PDE4B: variants seen among roughly 807,000 people sequenced by gnomAD.
The protein encoded by PDE4B is phosphodiesterase 4B, also known as 3',5'-cyclic-AMP phosphodiesterase 4B.
In PDE4B, 20 loss-of-function variants were observed where a neutral mutation model predicts 82.2. The ratio of observed to expected loss-of-function variants is 0.24; its 90% CI spans 0.17 to 0.35. The LOEUF is 0.35. Among genes scored for constraint, PDE4B ranks in the 10% least tolerant of loss-of-function variants. The pLI is 1.00. For synonymous variants in PDE4B, 320 were observed against 318.9 expected, an observed-to-expected ratio of 1.00 and a Z score of -0.04; for missense variants, 655 against 907.2, an observed-to-expected ratio of 0.72 and a Z score of 3.57.
At chr1:65,926,479 C>T (rs1569708557) in intron 3 of PDE4B, among the ~76,000 whole-genome samples, 1 of 152,160 alleles carries the variant, frequency 6.6e-6, no homozygotes, top group Non-Finnish European at 1.5e-5. Flanking sequence ...TAAGGGCCTA[C>T]TGGGACCTAT....
At chr1:65,914,454 A>ACTTCTTCTTCTT (rs57338201) in intron 2 of PDE4B, among the ~76,000 whole-genome samples, 1 of 145,354 alleles carries the variant, frequency 6.9e-6, no homozygotes, top group African/African-American at 2.5e-5. Context: ...GGCAGCATTT[A>ACTTCTTCTTCTT]CTTCTTCTTC....
At chr1:65,824,769 G>C (rs1645995393) in intron 1 of PDE4B, among the ~76,000 whole-genome samples, 1 of 152,100 alleles carries the variant, frequency 6.6e-6, no homozygotes, top group African/African-American at 2.4e-5. Context: ...CTTCTTGGTA[G>C]TTTCTTTGTG....
At position 65,957,207 on chromosome 1, in the gene PDE4B, T is replaced by A. The variant is rs958249109; in HGVS notation, c.281+38372T>A. Among the ~76,000 whole-genome samples, 3 of 152,086 alleles carry A rather than the reference T, an allele frequency of 2.0e-5. No individual in the cohort carries two copies. In the South Asian group the frequency reaches 6.2e-4, roughly 32 times the overall value. ...GATAACATTCTTCATTTTGATGTAG[T>A]TGAATTTCATCACCCTTTTATTTTA... On this transcript the variant is annotated intron_variant, in intron 3 of 16. Transcript: ENST00000341517.
At chr1:66,167,295 A>T (rs1255095786) in intron 3 of PDE4B, among the ~76,000 whole-genome samples, 2 of 152,212 alleles carry the variant, frequency 1.3e-5, no homozygotes, top group African/African-American at 4.8e-5. Flanking sequence ...AAAAAGTAGA[A>T]ACAACTCAAT....
intron 8 of PDE4B, among the ~76,000 whole-genome samples, chr1:66,343,894 T>C (rs1393900127): frequency 6.6e-6 from 1 of 152,132 alleles, no homozygotes; most frequent in African/African-American, 2.4e-5. Context: ...TTTAAAGTTA[T>C]GAAACATTTT....
chr1:66,219,721 A>G (rs138741278), intron 3 of PDE4B, among the ~76,000 whole-genome samples: 2 of 152,292 alleles, frequency 1.3e-5, no homozygotes, highest in East Asian at 3.9e-4. Flanking sequence ...CTTCAGATCA[A>G]ACACTGTCAA....
intron 7 of PDE4B, among the ~76,000 whole-genome samples, chr1:66,317,454 CTTAA>C (rs771039944): frequency 1.3e-5 from 2 of 152,146 alleles, no homozygotes; most frequent in Non-Finnish European, 2.9e-5. Context: ...CTTATCCCTT[CTTAA>C]TTAAACTGTC....
At chr1:66,110,002 C>A (rs1242956312) in intron 3 of PDE4B, among the ~76,000 whole-genome samples, 2 of 151,870 alleles carry the variant, frequency 1.3e-5, no homozygotes, top group African/African-American at 4.8e-5. Context: ...TGAGAAAGAT[C>A]ATGTAATTAA....
At chr1:65,884,411 A>G (rs1374503049) in intron 1 of PDE4B, among the ~76,000 whole-genome samples, 2 of 151,970 alleles carry the variant, frequency 1.3e-5, no homozygotes, top group African/African-American at 2.4e-5. Flanking sequence ...CAGGAATCCT[A>G]AGCCAAAAGA....
chr1:66,210,213 A>G (rs1248341971), intron 3 of PDE4B, among the ~76,000 whole-genome samples: 2 of 152,156 alleles, frequency 1.3e-5, no homozygotes, highest in Non-Finnish European at 2.9e-5. Context: ...AGAGTCAGTG[A>G]TCTTTTATTT....
chr1:65,865,890 C>G (rs985521750), intron 1 of PDE4B, among the ~76,000 whole-genome samples: 1 of 152,188 alleles, frequency 6.6e-6, no homozygotes, highest in Non-Finnish European at 1.5e-5. Context: ...CTGTCTCCCT[C>G]TCTCCCTCCA....
chr1:65,998,591 G>A (rs963081682), intron 3 of PDE4B, among the ~76,000 whole-genome samples: 2 of 152,044 alleles, frequency 1.3e-5, no homozygotes, highest in Non-Finnish European at 2.9e-5. Context: ...TGTATATCCC[G>A]TAACATTGAA....
At chr1:66,026,242 C>T (rs1460525769) in intron 3 of PDE4B, among the ~76,000 whole-genome samples, 1 of 152,194 alleles carries the variant, frequency 6.6e-6, no homozygotes, top group Non-Finnish European at 1.5e-5. Context: ...CATGCCTACA[C>T]TTTCAGCTTT....
chr1:65,961,368 G>T (rs1362603052), intron 3 of PDE4B, among the ~76,000 whole-genome samples: 2 of 152,200 alleles, frequency 1.3e-5, no homozygotes, highest in Admixed American at 6.5e-5. Flanking sequence ...TTGCAAAATG[G>T]CAGGAAAGCT....
At chr1:66,003,512 A>T (rs773115044) in intron 3 of PDE4B, among the ~76,000 whole-genome samples, 67 of 152,312 alleles carry the variant, frequency 4.4e-4, no homozygotes, top group Non-Finnish European at 8.1e-4. Context: ...TTAAAAGCCA[A>T]TATAGGATTC....
rs74570964 is a variant in PDE4B at position 66,193,863 on chromosome 1, G to A, written c.282-53597G>A. ...AAATCATTATAGTGATAGAGTCACT[G>A]AGCTGGAAAGAAACTTGGGAAGCCA... On this transcript the variant is annotated intron_variant, in intron 3 of 16. Transcript: ENST00000341517. Among the ~76,000 whole-genome samples the A allele has an allele frequency of 6.2e-3, 949 of 152,100 alleles. 14 individuals are homozygous for A. Among genetic ancestry groups the A allele is most frequent in the African/African-American group, 0.022 (905 of 41,512 alleles).
At chr1:66,138,408 A>G (rs1288876559) in intron 3 of PDE4B, among the ~76,000 whole-genome samples, 1 of 152,178 alleles carries the variant, frequency 6.6e-6, no homozygotes, top group Admixed American at 6.5e-5. Context: ...AATCCCAGCT[A>G]CTTGGGAGGC....
chr1:66,154,706 A>G (rs1646468335), intron 3 of PDE4B, among the ~76,000 whole-genome samples: 1 of 152,214 alleles, frequency 6.6e-6, no homozygotes, highest in South Asian at 2.1e-4. Context: ...GCTTTCAAAT[A>G]TCTTTTCCTT....
chr1:65,876,829 A>G (rs2100325248), intron 1 of PDE4B, among the ~76,000 whole-genome samples: 1 of 152,312 alleles, frequency 6.6e-6, no homozygotes, highest in Admixed American at 6.5e-5. Flanking sequence ...ATATCTAGAA[A>G]TACAACTTAC....
Sources: gnomAD v4.1 joint callset for allele counts (sites outside exome capture counted in the v4.1 genomes callset) on GRCh38, gnomAD v4.1.1 for gene constraint, MANE v1.5 for transcripts, NCBI Gene and HGNC (gene_info 2026-07-23, HGNC 2026-07-21) for gene names.